The following KLHL32 variants were observed in gnomAD, a reference collection of about 807,000 sequenced individuals.
KLHL32 encodes the protein kelch like family member 32, also known as kelch-like protein 32.
KLHL32 carries 35 observed loss-of-function variants against 64.8 expected under a neutral mutation model. That is an observed-to-expected ratio of 0.54 (90% CI 0.41 to 0.72). KLHL32 has a LOEUF of 0.72. Ranked by LOEUF, KLHL32 falls within the 30% of genes least tolerant of loss-of-function variation. The pLI, the probability that KLHL32 is intolerant of heterozygous loss-of-function variation, is 0.00. For missense variants in KLHL32, 589 were observed against 768.5 expected, an observed-to-expected ratio of 0.77 and a Z score of 2.76; for synonymous variants, 259 against 281.0, an observed-to-expected ratio of 0.92 and a Z score of 0.78.
intron 1 of KLHL32, among the ~76,000 whole-genome samples, chr6:96,928,345 TACC>T (rs1474106225): frequency 2.0e-5 from 3 of 152,294 alleles, no homozygotes; most frequent in African/African-American, 7.2e-5. Flanking sequence ...ATGCTAGTGA[TACC>T]TAATATTGAT....
chr6:96,953,246 T>C (rs971904487), intron 1 of KLHL32, among the ~76,000 whole-genome samples: 1 of 152,236 alleles, frequency 6.6e-6, no homozygotes, highest in Admixed American at 6.5e-5. Context: ...CTTACTTTAT[T>C]TACGTCCATA....
chr6:97,018,595 A>G (rs951401775), intron 3 of KLHL32, among the ~76,000 whole-genome samples: 2 of 136,914 alleles, frequency 1.5e-5, no homozygotes, highest in African/African-American at 5.6e-5. Flanking sequence ...AGCAAGACTC[A>G]GTCTCAAAAA....
At chr6:97,062,542 C>A (rs17057350) in intron 4 of KLHL32, 1 of 152,194 alleles carries the variant, frequency 6.6e-6, no homozygotes, top group African/African-American at 2.4e-5. Flanking sequence ...TTTTTCACTT[C>A]TTTACTTTGC....
chr6:97,051,126 G>A (rs540853040), intron 4 of KLHL32, among the ~76,000 whole-genome samples: 2 of 152,320 alleles, frequency 1.3e-5, no homozygotes, highest in South Asian at 4.1e-4. Context: ...GCCTGAGGTC[G>A]TATGTACAGA....
At chr6:96,913,299 A>C in the KLHL32 span, among the ~76,000 whole-genome samples, 2 of 152,334 alleles carry the variant, frequency 1.3e-5, no homozygotes, top group South Asian at 2.1e-4. Context: ...TCTATCTGGT[A>C]TTGGCATTTG....
At chr6:96,991,469 A>G (rs944075964) in intron 3 of KLHL32, among the ~76,000 whole-genome samples, 1 of 151,884 alleles carries the variant, frequency 6.6e-6, no homozygotes, top group African/African-American at 2.4e-5. Context: ...CGCAGCTGTA[A>G]TGGCAGAGGG....
At chr6:96,936,699 T>A (rs567644122) in intron 1 of KLHL32, among the ~76,000 whole-genome samples, 4 of 152,206 alleles carry the variant, frequency 2.6e-5, no homozygotes, top group African/African-American at 9.6e-5. Context: ...AGCCAAAAAT[T>A]TTGTTTTAAA....
At chr6:96,900,457 T>C in the KLHL32 span, among the ~76,000 whole-genome samples, 1 of 152,210 alleles carries the variant, frequency 6.6e-6, no homozygotes, top group African/African-American at 2.4e-5. Context: ...AATGCTAAAT[T>C]TGATTTTTAT....
At chr6:96,925,214 TC>T (rs1218820808) in intron 1 of KLHL32, among the ~76,000 whole-genome samples, 188 bp downstream of exon 1, 1 of 151,990 alleles carries the variant, frequency 6.6e-6, no homozygotes, top group East Asian at 1.9e-4. Context: ...AGCCCTGGAG[TC>T]GCTCCCCCTT....
intron 2 of KLHL32, 34 bp downstream of exon 2, chr6:96,967,117 A>C: frequency 6.2e-7 from 1 of 1,606,120 alleles, no homozygotes; most frequent in Middle Eastern, 1.8e-4. Flanking sequence ...CACATGCCGT[A>C]GTGAGCCCTG....
At chr6:97,018,132 A>C (rs539056860) in intron 3 of KLHL32, among the ~76,000 whole-genome samples, 1 of 147,256 alleles carries the variant, frequency 6.8e-6, no homozygotes, top group African/African-American at 2.7e-5. Flanking sequence ...GAGTACAGTA[A>C]GTATAATTAA....
the KLHL32 span, among the ~76,000 whole-genome samples, chr6:96,911,184 G>A: frequency 6.6e-6 from 1 of 152,178 alleles, no homozygotes; most frequent in Non-Finnish European, 1.5e-5. Context: ...TGCCAGGATG[G>A]CATAGTTCTG....
chr6:96,901,391 C>G, the KLHL32 span, among the ~76,000 whole-genome samples: 1 of 151,338 alleles, frequency 6.6e-6, no homozygotes, highest in Non-Finnish European at 1.5e-5. Flanking sequence ...CATTTCTTGG[C>G]AGCCAGCAGT....
At chr6:96,959,495 C>T (rs955103806) in intron 1 of KLHL32, among the ~76,000 whole-genome samples, 3 of 152,306 alleles carry the variant, frequency 2.0e-5, no homozygotes, top group African/African-American at 7.2e-5. Context: ...TCCCTGTGTC[C>T]TCACGCGGTC....
intron 3 of KLHL32, among the ~76,000 whole-genome samples, chr6:97,015,413 G>A (rs1307811174): frequency 1.3e-5 from 2 of 152,188 alleles, no homozygotes; most frequent in African/African-American, 4.8e-5. Flanking sequence ...ATGCTGATAT[G>A]ATGTAGACAG....
intron 7 of KLHL32, among the ~76,000 whole-genome samples, chr6:97,115,617 G>C (rs1797729209): frequency 6.6e-6 from 1 of 152,186 alleles, no homozygotes; most frequent in Non-Finnish European, 1.5e-5. Context: ...GAAGGAGTCT[G>C]TGAGGCATAT....
At chr6:97,100,520 C>A (rs1172351041) in intron 6 of KLHL32, among the ~76,000 whole-genome samples, 1 of 152,116 alleles carries the variant, frequency 6.6e-6, no homozygotes, top group Non-Finnish European at 1.5e-5. Context: ...GTCTCTGTGC[C>A]CCATGGCTCT....
At chr6:97,044,080 G>A (rs1007381936) in intron 4 of KLHL32, among the ~76,000 whole-genome samples, 1 of 151,962 alleles carries the variant, frequency 6.6e-6, no homozygotes, top group African/African-American at 2.4e-5. Context: ...GATCTTAAAG[G>A]AGGAGCTTTC....
At chr6:96,930,276 A>T (rs1213231230) in intron 1 of KLHL32, among the ~76,000 whole-genome samples, 1 of 152,160 alleles carries the variant, frequency 6.6e-6, no homozygotes, top group African/African-American at 2.4e-5. Context: ...ATTATTTATG[A>T]TTTTTAGTTC....
Sources: gnomAD v4.1 joint callset for allele counts (sites outside exome capture counted in the v4.1 genomes callset) on GRCh38, gnomAD v4.1.1 for gene constraint, MANE v1.5 for transcripts, NCBI Gene and HGNC (gene_info 2026-07-23, HGNC 2026-07-21) for gene names.